LLGL2: variants seen among roughly 807,000 people sequenced by gnomAD.
The protein encoded by LLGL2 is LLGL2, scribble cell polarity complex component.
In LLGL2, 81 loss-of-function variants were observed where a neutral mutation model predicts 123.2. That is an observed-to-expected ratio of 0.66 (90% CI 0.55 to 0.79). The LOEUF (loss-of-function observed/expected upper bound fraction) is 0.79, where lower values mean the gene tolerates loss of function less well. Among genes scored for constraint, LLGL2 ranks in the 30% least tolerant of loss-of-function variants. The pLI, the probability that LLGL2 is intolerant of heterozygous loss-of-function variation, is 0.00. For missense variants in LLGL2, 1,273 were observed against 1,414.6 expected (o/e 0.90, Z 1.61); for synonymous variants, 577 against 594.1 (o/e 0.97, Z 0.42).
Position 75,574,851 on chromosome 17 carries a change from T to A in LLGL2, c.3056-20T>A. The A allele has an allele frequency of 6.2e-7, 1 of 1,613,962 alleles. No homozygotes were observed. The highest frequency in any genetic ancestry group is 8.5e-7 in the Non-Finnish European group (1 of 1,179,884). On this transcript the variant is annotated intron_variant, in intron 25 of 25. Transcript: ENST00000392550. The stretch of plus-strand genomic sequence containing the variant: ...CGTCCTGCCCAGGGTGATCTTGAGC[T>A]GTCCCTCTGTGTCCTTCAGCAGAGT...
In LLGL2 at chr17:75,564,204, C is replaced by T; in HGVS notation, c.882-149C>T. On this transcript the variant is annotated intron_variant, in intron 9 of 25. Transcript: ENST00000392550. This position sits in a 1 kb window ranked among gnomAD's most constrained non-coding sequence, Gnocchi z 4.9. ...GATGCCCTCACCTTACCTCCAAGTC[C>T]TCCTGGGCTGTAGCAGTTGGAAGGA... The T allele has an allele frequency of 7.0e-7, 1 of 1,432,642 alleles. No individual in the cohort carries two copies. 88.7% of individuals were successfully genotyped at this position (1,432,642 alleles called of 1,614,324 possible). A position where few individuals can be genotyped will look rare whatever the true frequency, so the allele number is the denominator to read the frequency against.
chr17:75,537,102 C>T (rs1377737568), intron 1 of LLGL2, among the ~76,000 whole-genome samples: 10 of 152,172 alleles, frequency 6.6e-5, no homozygotes, highest in South Asian at 2.1e-4. Flanking sequence ...GGATTACAGA[C>T]GTGAGCCACA....
At chr17:75,555,531 G>C (rs2054870452) in intron 2 of LLGL2, among the ~76,000 whole-genome samples, 1 of 152,232 alleles carries the variant, frequency 6.6e-6, no homozygotes, top group African/African-American at 2.4e-5. Context: ...GTAAGAGTCT[G>C]TGAGACCCAG....
intron 2 of LLGL2, among the ~76,000 whole-genome samples, chr17:75,550,511 G>T (rs548368878): frequency 6.6e-6 from 1 of 152,104 alleles, no homozygotes; most frequent in African/African-American, 2.4e-5. Context: ...CAGGCCGGGC[G>T]CGGTGGCTTA....
rs767186932 is a variant in LLGL2 at position 75,564,514 on chromosome 17, G to C, written c.1036+7G>C. On this transcript the variant is annotated splice_region_variant and intron_variant, in intron 10 of 25. Transcript: ENST00000392550. This position sits in a 1 kb window ranked among gnomAD's most constrained non-coding sequence, Gnocchi z 4.9. ...GAGGCAGACCCTGCAGCCAGTAGGA[G>C]AGCTTCGGGAGTGGGTGCCCAGGGT... 6.2e-7 allele frequency: 1 copy of C among 1,613,130 alleles called. No homozygotes were observed. The highest frequency in any genetic ancestry group is 1.1e-5 in the South Asian group (1 of 91,082).
intron 2 of LLGL2, among the ~76,000 whole-genome samples, chr17:75,553,644 G>C (rs2054775412): frequency 6.6e-6 from 1 of 152,162 alleles, no homozygotes; most frequent in South Asian, 2.1e-4. Context: ...AAAGCAATCA[G>C]TTGACATAGC....
At chr17:75,545,027 T>G (rs1169597020) in intron 2 of LLGL2, among the ~76,000 whole-genome samples, 3 of 152,038 alleles carry the variant, frequency 2.0e-5, no homozygotes, top group Admixed American at 1.3e-4. Flanking sequence ...GGAAGGGAAC[T>G]GAGTGACCCC....
At chr17:75,529,319 C>T (rs2053689929) in intron 1 of LLGL2, among the ~76,000 whole-genome samples, 1 of 151,640 alleles carries the variant, frequency 6.6e-6, no homozygotes, top group Admixed American at 6.6e-5. Flanking sequence ...GCCTCAGCAT[C>T]CTGAGTAGCT....
At chr17:75,555,957 G>A in intron 2 of LLGL2, 89 bp from the exon 3 acceptor site, 1 of 998,222 alleles carries the variant, frequency 1.0e-6, no homozygotes, top group Non-Finnish European at 1.5e-6. Context: ...CCTGCTTCCT[G>A]CTGGGTCGTC....
At chr17:75,560,733 G>T (rs2055165893) in intron 6 of LLGL2, among the ~76,000 whole-genome samples, 1 of 133,466 alleles carries the variant, frequency 7.5e-6, no homozygotes, top group Non-Finnish European at 1.5e-5. Flanking sequence ...TGATTGACCC[G>T]CCTCAGCCTC....
Position 75,568,982 on chromosome 17 carries a change from G to A in LLGL2, c.1327G>A (p.Glu443Lys), listed in dbSNP as rs977946025. The change falls in exon 13 of 26, where the codon GAG becomes AAG. Residue 443 changes from glutamate to lysine, a missense_variant. Transcript: ENST00000392550. ...PQRDLLLTGH[E>K]DGTVRFWDAS... is the part of the protein sequence containing the mutation. ...GCAGGTGGGTTCTGCCCACAGGCAC[G>A]AGGACGGCACGGTGCGGTTCTGGGA... 8.7e-6 allele frequency: 14 copies of A among 1,611,340 alleles called. No individual in the cohort carries two copies. Among genetic ancestry groups the A allele is most frequent in the Middle Eastern group, 1.6e-4 (1 of 6,076 alleles).
intron 2 of LLGL2, among the ~76,000 whole-genome samples, chr17:75,552,696 A>C (rs1225104067): frequency 6.6e-6 from 1 of 152,176 alleles, no homozygotes; most frequent in Admixed American, 6.5e-5. Flanking sequence ...TTTACAGTGG[A>C]AAAAGGGAAT....
chr17:75,567,187 C>G, intron 10 of LLGL2, among the ~76,000 whole-genome samples: 1 of 152,132 alleles, frequency 6.6e-6, no homozygotes, highest in Non-Finnish European at 1.5e-5. Context: ...CAGCGTCAGC[C>G]AGGGGCAGTG....
At chr17:75,562,840 G>A (rs1490321040) in intron 6 of LLGL2, 176 bp from the exon 7 acceptor site, 1 of 761,320 alleles carries the variant, frequency 1.3e-6, no homozygotes, top group African/African-American at 1.8e-5. Flanking sequence ...AAAGTGCTGG[G>A]ATTACAGGCA....
chr17:75,536,964 G>A (rs1295573419), intron 1 of LLGL2, among the ~76,000 whole-genome samples: 1 of 151,926 alleles, frequency 6.6e-6, no homozygotes, highest in African/African-American at 2.4e-5. Flanking sequence ...AGTAGCTGGG[G>A]TTACAGGCAC....
chr17:75,574,129 C>T (rs1239525570), intron 22 of LLGL2, 84 bp from the exon 23 acceptor site: 10 of 1,534,062 alleles, frequency 6.5e-6, no homozygotes, highest in Non-Finnish European at 7.9e-6. Context: ...CCTGGGCTTC[C>T]ACATCCTGAC....
chr17:75,546,578 T>C (rs1318772727), intron 2 of LLGL2, among the ~76,000 whole-genome samples: 3 of 54,546 alleles, frequency 5.5e-5, no homozygotes, highest in South Asian at 6.2e-4. Flanking sequence ...GGAGGGCAGG[T>C]CCAGCAGACA....
In LLGL2 at chr17:75,560,802, TAAAAAAAAAAAAA is replaced by T. The variant is rs372940306; in HGVS notation, c.530+1410_530+1422del. On this transcript the variant is annotated intron_variant, in intron 6 of 25. Transcript: ENST00000392550. ...CGCCTGGCCCAGTTTGTTTATTTAT[TAAAAAAAAAAAAA>T]AAAAAAAAAAAAAAAAACAAAGAAA... Among the ~76,000 whole-genome samples the T allele has an allele frequency of 2.0e-3, 193 of 96,116 alleles. 3 individuals are homozygous for T. Among genetic ancestry groups the T allele is most frequent in the African/African-American group, 4.4e-3 (133 of 30,536 alleles). 63.1% of individuals were successfully genotyped at this position (96,116 alleles called of 152,430 possible). A position where few individuals can be genotyped will look rare whatever the true frequency, so the allele number is the denominator to read the frequency against.
chr17:75,560,818 A>AAC (rs1182921812), intron 6 of LLGL2, among the ~76,000 whole-genome samples: 104 of 112,484 alleles, frequency 9.2e-4, no homozygotes, highest in Non-Finnish European at 1.1e-3. Flanking sequence ...AAAAAAAAAA[A>AAC]AAAAAAAAAA....
Sources: gnomAD v4.1 joint callset for allele counts (sites outside exome capture counted in the v4.1 genomes callset) on GRCh38, gnomAD v4.1.1 for gene constraint, Gnocchi (gnomAD v3.1) non-coding constraint, MANE v1.5 for transcripts, NCBI Gene and HGNC (gene_info 2026-07-23, HGNC 2026-07-21) for gene names.